The following KLHL40 variants were observed in gnomAD, a reference collection of about 807,000 sequenced individuals.
KLHL40 encodes kelch-like protein 40.
A neutral mutation model predicts 49.7 loss-of-function variants in KLHL40; 44 were observed. The ratio of observed to expected loss-of-function variants is 0.89; its 90% CI spans 0.70 to 1.14. The LOEUF is 1.14. Among genes scored for constraint, KLHL40 ranks in the 50% most tolerant of loss-of-function variants. KLHL40 has a pLI of 0.00. For synonymous variants in KLHL40, 409 were observed against 365.2 expected (o/e 1.12, Z -1.37); for missense variants, 892 against 850.3 (o/e 1.05, Z -0.61).
intron 1 of KLHL40, among the ~76,000 whole-genome samples, chr3:42,687,008 G>A (rs1006197266): frequency 6.6e-6 from 1 of 152,246 alleles, no homozygotes; most frequent in Admixed American, 6.5e-5. Flanking sequence ...GTAGCCCCAA[G>A]TTGGCATATG....
chr3:42,685,946 C>A lies in KLHL40; in HGVS notation c.328C>A (p.Arg110Ser), dbSNP rs756109666. The A allele has an allele frequency of 1.9e-6, 3 of 1,611,766 alleles. No homozygotes were observed. Among genetic ancestry groups the A allele is most frequent in the Non-Finnish European group, 2.5e-6 (3 of 1,179,986 alleles). Residue 110 changes from arginine (R) to serine (S), a missense_variant, in exon 1 of 6, where the codon CGC becomes AGC. Transcript: ENST00000287777. ...SVQDLFAAAH[R>S]FQIPSIFTIC... Reference sequence around the variant, plus strand: ...GCAGGATTTGTTCGCCGCGGCACACCGCTTCCAGATCCCTTCCATCTTCAC... The same window carrying A: ...GCAGGATTTGTTCGCCGCGGCACACAGCTTCCAGATCCCTTCCATCTTCAC...
In KLHL40 at chr3:42,688,886, T is replaced by C. The variant is rs920578484; in HGVS notation, c.1439T>C (p.Met480Thr). Residue 480 changes from methionine (M) to threonine (T), a missense_variant, in exon 4 of 6, where the codon ATG becomes ACG. Transcript: ENST00000287777. This position sits in a 1 kb window ranked among gnomAD's most constrained non-coding sequence, Gnocchi z 4.2. ...KGSDRKCLNK[M>T]CVYDPKKFEW... is the part of the protein sequence containing the mutation. ...CCCCACAGGAAGTGCCTGAACAAGA[T>C]GTGCGTCTATGACCCCAAGAAGTTT... The C allele has an allele frequency of 4.3e-6, 7 of 1,613,886 alleles. No homozygotes were observed. In the African/African-American group the frequency reaches 9.3e-5, roughly 22 times the overall value.
At chr3:42,689,974 G>A (rs1037601547) in intron 4 of KLHL40, among the ~76,000 whole-genome samples, 11 of 152,156 alleles carry the variant, frequency 7.2e-5, no homozygotes, top group Non-Finnish European at 1.5e-5. Context: ...TGGATGTGGG[G>A]GTGAGAGGGG....
chr3:42,688,458 G>A lies in KLHL40; in HGVS notation c.1314-152G>A. On this transcript the variant is annotated intron_variant, in intron 2 of 5. Transcript: ENST00000287777. This position sits in a 1 kb window ranked among gnomAD's most constrained non-coding sequence, Gnocchi z 4.2. ...GGCGGGGAGGTTGGGGGGCAGGGTGGGATCAAAGAACTGAGAGGCCTCGGA... is the reference window on the plus strand; with the variant it reads ...GGCGGGGAGGTTGGGGGGCAGGGTGAGATCAAAGAACTGAGAGGCCTCGGA... The A allele has an allele frequency of 1.1e-6, 1 of 934,416 alleles. No homozygotes were observed. The highest frequency in any genetic ancestry group is 2.0e-5 in the Admixed American group (1 of 48,890). 57.9% of individuals were successfully genotyped at this position (934,416 alleles called of 1,614,324 possible). A position where few individuals can be genotyped will look rare whatever the true frequency, so the allele number is the denominator to read the frequency against.
rs1575219944 is a variant in KLHL40 at position 42,688,228 on chromosome 3, C to A, written c.1239C>A (p.Ser413=). 1.2e-6 allele frequency: 2 copies of A among 1,614,050 alleles called. No homozygotes were observed. The highest frequency in any genetic ancestry group is 1.7e-6 in the Non-Finnish European group (2 of 1,180,028). ...CLFGLGEALN[S]IYVVGGREIK... ...TTGGCCTGGGAGAAGCTCTCAACTCCATCTACGTGGTCGGTGGCAGAGAGA... is the reference window on the plus strand; with the variant it reads ...TTGGCCTGGGAGAAGCTCTCAACTCAATCTACGTGGTCGGTGGCAGAGAGA... The change falls in exon 2 of 6, where the codon TCC becomes TCA. Residue 413 remains serine (S), a synonymous_variant. Transcript: ENST00000287777. This position sits in a 1 kb window ranked among gnomAD's most constrained non-coding sequence, Gnocchi z 4.2.
chr3:42,688,735 G>C lies in KLHL40; in HGVS notation c.1421+18G>C. On this transcript the variant is annotated intron_variant, in intron 3 of 5. Coordinates refer to ENST00000287777, the MANE Select transcript of KLHL40 (RefSeq NM_152393.4). The surrounding 1 kb of genome is among the most constrained non-coding windows in gnomAD (Gnocchi z 4.2). ...AGTGACAGGTGAGGCTGGGCCTGGA[G>C]TGAGTCTGTGGAGCAGAGGTAGAAT... The C allele has an allele frequency of 1.9e-6, 3 of 1,603,890 alleles. No homozygotes were observed. Among genetic ancestry groups the C allele is most frequent in the Non-Finnish European group, 2.6e-6 (3 of 1,170,774 alleles).
rs547747037 is a variant in KLHL40 at position 42,692,083 on chromosome 3, G to T, written c.*90G>T. ...GGGGGCTCCAGAAAAGAGGCTAGGA[G>T]AGGCCAGAGTCTACCTGGATCCAGT... On this transcript the variant is annotated 3_prime_UTR_variant, in exon 6 of 6. Coordinates refer to ENST00000287777, the MANE Select transcript of KLHL40 (RefSeq NM_152393.4). 3 of 802,544 alleles carry T rather than the reference G, an allele frequency of 3.7e-6. No individual in the cohort carries two copies. The African/African-American group carries it at 5.0e-5, about 13-fold the overall frequency. The allele number at this position is 802,544 out of a possible 1,614,324, so 49.7% of individuals were successfully genotyped here.
At position 42,686,204 on chromosome 3, in the gene KLHL40, G is replaced by C; in HGVS notation, c.586G>C (p.Glu196Gln). Residue 196 changes from glutamate to glutamine, a missense_variant, in exon 1 of 6, where the codon GAG becomes CAG. Physicochemically the swap from Glu to Gln is conservative, Grantham distance 29. Coordinates refer to ENST00000287777, the MANE Select transcript of KLHL40 (RefSeq NM_152393.4). ...LNVEKEEAVF[E>Q]AVMRWAGSGD... ...CGTGGAGAAGGAGGAGGCAGTGTTCGAGGCGGTGATGCGGTGGGCGGGTAG... is the reference window on the plus strand; with the variant it reads ...CGTGGAGAAGGAGGAGGCAGTGTTCCAGGCGGTGATGCGGTGGGCGGGTAG... 1 of 1,570,914 alleles carries C rather than the reference G, an allele frequency of 6.4e-7. No homozygotes were observed. Among genetic ancestry groups the C allele is most frequent in the Non-Finnish European group, 8.6e-7 (1 of 1,161,928 alleles).
intron 4 of KLHL40, among the ~76,000 whole-genome samples, 158 bp from the exon 5 acceptor site, chr3:42,690,701 A>G (rs1040945376): frequency 6.6e-6 from 1 of 151,764 alleles, no homozygotes; most frequent in Non-Finnish European, 1.5e-5. Flanking sequence ...AAGGAAGGGA[A>G]GACCAGAGGG....
In KLHL40 at chr3:42,692,226, T is replaced by C. The variant is rs1212183079; in HGVS notation, c.*233T>C. 3.8e-6 allele frequency: 2 copies of C among 530,364 alleles called. No individual in the cohort carries two copies. Among genetic ancestry groups the C allele is most frequent in the Non-Finnish European group, 3.4e-6 (1 of 295,386 alleles). 32.9% of individuals were successfully genotyped at this position (530,364 alleles called of 1,614,324 possible). A position where few individuals can be genotyped will look rare whatever the true frequency, so the allele number is the denominator to read the frequency against. On this transcript the variant is annotated 3_prime_UTR_variant, in exon 6 of 6. Transcript: ENST00000287777. Reference sequence around the variant, plus strand: ...AGTGTTGCCATATCCCCCTAGGTTGTCTTGATCCATGAACCAGAACCACAG... The same window carrying C: ...AGTGTTGCCATATCCCCCTAGGTTGCCTTGATCCATGAACCAGAACCACAG...
rs1697271494 is a variant in KLHL40, at chr3:42,686,255, C to G, written c.637C>G (p.Arg213Gly). The G allele has an allele frequency of 1.9e-6, 3 of 1,552,136 alleles. No individual in the cohort carries two copies. The highest frequency in any genetic ancestry group is 1.9e-5 in the Admixed American group (1 of 52,014). ...CGGCGACGCCGAGGCGCAGGCTGAG[C>G]GCCAGCGCGCGCTGCCCACCGTCTT... ...GSGDAEAQAE[R>G]QRALPTVFES... is the part of the protein sequence containing the mutation. Residue 213 changes from arginine (R) to glycine (G), a missense_variant, in exon 1 of 6, where the codon CGC (arginine) becomes GGC (glycine). Transcript: ENST00000287777.
rs1407904383 is a variant in KLHL40 at position 42,688,039 on chromosome 3, G to A, written c.1153-103G>A. On this transcript the variant is annotated intron_variant, in intron 1 of 5. Transcript: ENST00000287777. This position sits in a 1 kb window ranked among gnomAD's most constrained non-coding sequence, Gnocchi z 4.2. ...CCTCCAGGCTGTATTGGCCCTACCT[G>A]GGTTCCCGACCTCCTCCGTGATCTG... 7.1e-7 allele frequency: 1 copy of A among 1,413,380 alleles called. No individual in the cohort carries two copies. Among genetic ancestry groups the A allele is most frequent in the African/African-American group, 1.4e-5 (1 of 71,314 alleles). The allele number at this position is 1,413,380 out of a possible 1,614,324, so 87.6% of individuals were successfully genotyped here. A position where few individuals can be genotyped will look rare whatever the true frequency, so the allele number is the denominator to read the frequency against.
intron 4 of KLHL40, 139 bp from the exon 5 acceptor site, chr3:42,690,720 G>A: frequency 1.3e-6 from 1 of 784,970 alleles, no homozygotes; most frequent in African/African-American, 1.7e-5. Flanking sequence ...GGACAGGGAA[G>A]GGGAATGGGG....
At chr3:42,687,970 C>G (rs1447460851) in intron 1 of KLHL40, among the ~76,000 whole-genome samples, 172 bp from the exon 2 acceptor site, 2 of 152,118 alleles carry the variant, frequency 1.3e-5, no homozygotes, top group Admixed American at 6.5e-5. Flanking sequence ...GGACGCTCAT[C>G]TGCTCTCAGC....
rs556701441 is a variant in KLHL40 at position 42,691,863 on chromosome 3, C to T, written c.1755-19C>T. ...TGACCAAGCTCTCCATCCTTGTCCC[C>T]ACTCTCTCTCATCCCCAGGTATAAC... On this transcript the variant is annotated intron_variant, in intron 5 of 5. Transcript: ENST00000287777. The T allele has an allele frequency of 1.9e-5, 29 of 1,510,948 alleles. No individual in the cohort carries two copies. The highest frequency in any genetic ancestry group is 4.1e-5 in the African/African-American group (3 of 72,908). The allele number at this position is 1,510,948 out of a possible 1,614,324, so 93.6% of individuals were successfully genotyped here. A position where few individuals can be genotyped will look rare whatever the true frequency, so the allele number is the denominator to read the frequency against.
At chr3:42,687,711 C>T (rs1448979121) in intron 1 of KLHL40, among the ~76,000 whole-genome samples, 1 of 150,906 alleles carries the variant, frequency 6.6e-6, no homozygotes, top group Non-Finnish European at 1.5e-5. Context: ...AATTATAAAG[C>T]TGTGGAGGTG....
intron 1 of KLHL40, 37 bp downstream of exon 1, chr3:42,686,807 G>A (rs1697281248): frequency 2.6e-6 from 4 of 1,552,108 alleles, no homozygotes; most frequent in Non-Finnish European, 3.5e-6. Context: ...AGCTAATGCT[G>A]GGCTCTAGGC....
Position 42,688,241 on chromosome 3 carries a change from G to C in KLHL40, c.1252G>C (p.Gly418Arg). Reference protein sequence around the residue: ...GEALNSIYVVGGREIKDGERC... With the variant: ...GEALNSIYVVRGREIKDGERC... ...AGCTCTCAACTCCATCTACGTGGTC[G>C]GTGGCAGAGAGATCAAGGACGGCGA... The change falls in exon 2 of 6, where the codon GGT (glycine) becomes CGT (arginine). Residue 418 changes from glycine (G) to arginine (R), a missense_variant. Gly to Arg is a moderately radical substitution (Grantham distance 125). Transcript: ENST00000287777. The surrounding 1 kb of genome is among the most constrained non-coding windows in gnomAD (Gnocchi z 4.2). The C allele has an allele frequency of 6.2e-7, 1 of 1,614,006 alleles. No homozygotes were observed. Among genetic ancestry groups the C allele is most frequent in the Non-Finnish European group, 8.5e-7 (1 of 1,180,004 alleles).
At position 42,688,360 on chromosome 3, in the gene KLHL40, C is replaced by A. The variant is rs1018185093; in HGVS notation, c.1313+58C>A. 6 of 1,571,376 alleles carry A rather than the reference C, an allele frequency of 3.8e-6. No homozygotes were observed. The African/African-American group carries it at 6.8e-5, about 18-fold the overall frequency. ...GGGGGTGAGTGGGGCATGGAGGCCG[C>A]AGCTGGTCTAGGGCCTGGGGTGGGA... On this transcript the variant is annotated intron_variant, in intron 2 of 5. Coordinates refer to ENST00000287777, the MANE Select transcript of KLHL40 (RefSeq NM_152393.4). The surrounding 1 kb of genome is among the most constrained non-coding windows in gnomAD (Gnocchi z 4.2).
Sources: gnomAD v4.1 joint callset for allele counts (sites outside exome capture counted in the v4.1 genomes callset) on GRCh38, gnomAD v4.1.1 for gene constraint, Gnocchi (gnomAD v3.1) non-coding constraint, MANE v1.5 for transcripts, NCBI Gene and HGNC (gene_info 2026-07-23, HGNC 2026-07-21) for gene names.